The following AMZ2 variants were observed in gnomAD, a reference collection of about 807,000 sequenced individuals.
AMZ2 encodes the protein archaemetzincin-2.
AMZ2 carries 26 observed loss-of-function variants against 36.7 expected under a neutral mutation model. The observed-to-expected ratio is 0.71, with a 90% CI of 0.52 to 0.98. The LOEUF (loss-of-function observed/expected upper bound fraction) is 0.98. AMZ2 is among the 50% of genes least tolerant of loss of function. The pLI, the probability that AMZ2 is intolerant of heterozygous loss-of-function variation, is 0.00. For missense variants in AMZ2, 394 were observed against 430.5 expected, an observed-to-expected ratio of 0.92 and a Z score of 0.75; for synonymous variants, 144 against 149.1, an observed-to-expected ratio of 0.97 and a Z score of 0.25.
At chr17:68,214,468 A>G (rs2073144736) in intron 1 of AMZ2, among the ~76,000 whole-genome samples, 1 of 152,192 alleles carries the variant, frequency 6.6e-6, no homozygotes, top group African/African-American at 2.4e-5. Flanking sequence ...TTTTCTGTAC[A>G]GTACCTTTCT....
At position 68,214,517 on chromosome 17, in the gene AMZ2, C is replaced by G. The variant is rs2073146104; in HGVS notation, c.-67+8279C>G. On this transcript the variant is annotated intron_variant, in intron 1 of 7. Coordinates refer to the AMZ2 transcript ENST00000674770. ...TGGTTTCTCCCAGTCCAGGGAACCT[C>G]AGTTTACCTCCTCTAGAGACTAGAC... is the stretch of plus-strand genomic sequence containing the variant. 2.0e-5 allele frequency among the ~76,000 whole-genome samples: 3 copies of G among 152,320 alleles called. No homozygotes were observed. In the South Asian group the frequency reaches 6.2e-4, roughly 32 times the overall value.
intron 1 of AMZ2, among the ~76,000 whole-genome samples, chr17:68,242,088 G>A (rs1440538634): frequency 6.6e-6 from 1 of 151,952 alleles, no homozygotes; most frequent in Non-Finnish European, 1.5e-5. Flanking sequence ...GGAAGACAAA[G>A]GATGGCTTGG....
intron 2 of AMZ2, 47 bp from the exon 3 acceptor site, chr17:68,250,747 G>C: frequency 1.3e-6 from 2 of 1,483,824 alleles, no homozygotes. Flanking sequence ...GGTAAACACT[G>C]AATAATCATC....
intron 1 of AMZ2, among the ~76,000 whole-genome samples, chr17:68,230,693 G>T (rs535016944): frequency 6.6e-6 from 1 of 152,272 alleles, no homozygotes; most frequent in Non-Finnish European, 1.5e-5. Context: ...ATTAAGAAGG[G>T]AACAGGGAGA....
upstream of AMZ2, among the ~76,000 whole-genome samples, chr17:68,243,678 A>G (rs2073948256): frequency 6.6e-6 from 1 of 152,334 alleles, no homozygotes; most frequent in East Asian, 1.9e-4. Context: ...CAGGTTGTTC[A>G]CCAGAAAGAT....
intron 1 of AMZ2, among the ~76,000 whole-genome samples, chr17:68,208,080 C>G (rs2072897779): frequency 6.6e-6 from 1 of 152,210 alleles, no homozygotes; most frequent in African/African-American, 2.4e-5. Context: ...TGCAGCCCGC[C>G]ATGCCTGAGC....
rs2073529887 is a variant in AMZ2, at chr17:68,226,907, G to C, written c.-67+20669G>C. 2.0e-5 allele frequency among the ~76,000 whole-genome samples: 3 copies of C among 147,420 alleles called. No homozygotes were observed. In the South Asian group the frequency reaches 6.4e-4, roughly 32 times the overall value. On this transcript the variant is annotated intron_variant, in intron 1 of 7. Transcript: ENST00000674770. ...CTTGGAGCAAGCTGCCACTTCCTAG[G>C]GTCCCAGTTTGCTGCCCTGTGGCAC...
intron 1 of AMZ2, among the ~76,000 whole-genome samples, chr17:68,217,371 G>A (rs2073225410): frequency 6.6e-6 from 1 of 152,130 alleles, no homozygotes; most frequent in South Asian, 2.1e-4. Context: ...AAAAGCTATA[G>A]TCGTCATTCA....
At chr17:68,239,325 G>A (rs2059736067) in intron 1 of AMZ2, among the ~76,000 whole-genome samples, 1 of 152,176 alleles carries the variant, frequency 6.6e-6, no homozygotes, top group East Asian at 1.9e-4. Context: ...CTTGCCTGCT[G>A]AGGGGGGTCT....
At position 68,250,787 on chromosome 17, in the gene AMZ2, A is replaced by G. The variant is rs1286686389; in HGVS notation, c.284-7A>G. 1 of 1,562,792 alleles carries G rather than the reference A, an allele frequency of 6.4e-7. No individual in the cohort carries two copies. The highest frequency in any genetic ancestry group is 8.6e-7 in the Non-Finnish European group (1 of 1,161,582). On this transcript the variant is annotated splice_polypyrimidine_tract_variant and splice_region_variant and intron_variant, in intron 2 of 6. Transcript: ENST00000359904. ...AGTCTGTTTTTAAATGTTCTTCCAT[A>G]TTGTAGGCTCTCTAGGAAACACCAG...
upstream of AMZ2, chr17:68,247,649 C>T: frequency 2.0e-6 from 2 of 985,482 alleles, no homozygotes; most frequent in Non-Finnish European, 2.4e-6. Context: ...CGGCGGCCGC[C>T]GACTCATTTG....
Position 68,250,843 on chromosome 17 carries a change from C to T in AMZ2, c.333C>T (p.Leu111=). 6.2e-7 allele frequency: 1 copy of T among 1,603,048 alleles called. No homozygotes were observed. Among genetic ancestry groups the T allele is most frequent in the South Asian group, 1.1e-5 (1 of 88,354 alleles). ...TCAGTGAAGAATATATTAAATGGCT[C>T]ACGGGCTACTGTAAAGCATATTTCT... ...RIISEEYIKW[L]TGYCKAYFYG... The change falls in exon 3 of 7, where the codon CTC becomes CTT. Residue 111 remains leucine, a synonymous_variant. Coordinates refer to ENST00000359904, the MANE Select transcript of AMZ2 (RefSeq NM_016627.5).
intron 1 of AMZ2, among the ~76,000 whole-genome samples, chr17:68,214,788 A>AT (rs35185659): frequency 0.23 from 34,269 of 147,272 alleles, 4,148 homozygotes; most frequent in South Asian, 0.29. Context: ...GTCTTTAACA[A>AT]TTTTTTTTTT....
In AMZ2 at chr17:68,248,289, T is replaced by A; in HGVS notation, c.-417T>A. 2.0e-6 allele frequency: 2 copies of A among 985,872 alleles called. No homozygotes were observed. The highest frequency in any genetic ancestry group is 2.4e-6 in the Non-Finnish European group (2 of 830,104). The allele number at this position is 985,872 out of a possible 1,614,324, so 61.1% of individuals were successfully genotyped here. ...TGCCTCTAGGGAGCCAGGGAGGCCT[T>A]TCCCGAGGCTCCTGGGGAAGAAGAG... On this transcript the variant is annotated 5_prime_UTR_variant, in exon 1 of 7. Transcript: ENST00000359904.
At chr17:68,252,761 C>T (rs1181435169) in intron 4 of AMZ2, among the ~76,000 whole-genome samples, 1 of 152,064 alleles carries the variant, frequency 6.6e-6, no homozygotes, top group Non-Finnish European at 1.5e-5. Context: ...TGGGCTCAAG[C>T]GAGCCTCCCA....
At position 68,226,479 on chromosome 17, in the gene AMZ2, C is replaced by G. The variant is rs2073519861; in HGVS notation, c.-67+20241C>G. Among the ~76,000 whole-genome samples, 3 of 152,192 alleles carry G rather than the reference C, an allele frequency of 2.0e-5. No homozygotes were observed. In the South Asian group the frequency reaches 6.2e-4, roughly 32 times the overall value. On this transcript the variant is annotated intron_variant, in intron 1 of 7. Coordinates refer to the AMZ2 transcript ENST00000674770. The stretch of plus-strand genomic sequence containing the variant: ...TGTTGTCCAGTCCTCTACAAATTGT[C>G]CAGCCCACTGCAGGGAGCCAGTCTG...
intron 1 of AMZ2, among the ~76,000 whole-genome samples, chr17:68,230,216 G>T (rs1211552352): frequency 2.6e-5 from 4 of 152,128 alleles, no homozygotes; most frequent in African/African-American, 9.7e-5. Flanking sequence ...GGGATTACAG[G>T]TGCCCACCAC....
At chr17:68,238,102 T>C (rs1555733183) in intron 1 of AMZ2, among the ~76,000 whole-genome samples, 1 of 152,216 alleles carries the variant, frequency 6.6e-6, no homozygotes, top group African/African-American at 2.4e-5. Flanking sequence ...CAGGAGACCA[T>C]GCTGTCATCC....
chr17:68,248,734 G>A, intron 1 of AMZ2, 29 bp downstream of exon 1: 4 of 990,660 alleles, frequency 4.0e-6, no homozygotes, highest in Non-Finnish European at 4.8e-6. Context: ...GGTACATCTT[G>A]TTTTATATTT....
Sources: gnomAD v4.1 joint callset for allele counts (sites outside exome capture counted in the v4.1 genomes callset) on GRCh38, gnomAD v4.1.1 for gene constraint, MANE v1.5 for transcripts, NCBI Gene and HGNC (gene_info 2026-07-23, HGNC 2026-07-21) for gene names.